PDZRN4: variants seen among roughly 807,000 people sequenced by gnomAD.
The protein encoded by PDZRN4 is PDZ domain containing ring finger 4.
PDZRN4 carries 70 observed loss-of-function variants against 99.0 expected under a neutral mutation model. The ratio of observed to expected loss-of-function variants is 0.71; its 90% confidence interval spans 0.58 to 0.86. The LOEUF (loss-of-function observed/expected upper bound fraction) is 0.86, where lower values mean the gene tolerates loss of function less well. Ranked by LOEUF, PDZRN4 falls within the 40% of genes least tolerant of loss-of-function variation. PDZRN4 has a pLI of 0.00. For missense variants in PDZRN4, 1,474 were observed against 1,331.2 expected, an observed-to-expected ratio of 1.11 and a Z score of -1.67; for synonymous variants, 551 against 501.6, an observed-to-expected ratio of 1.10 and a Z score of -1.32.
chr12:41,197,523 G>A (rs914558817), intron 3 of PDZRN4, among the ~76,000 whole-genome samples: 2 of 152,092 alleles, frequency 1.3e-5, no homozygotes, highest in African/African-American at 4.8e-5. Context: ...AACTATTTAT[G>A]CTTGTAAATT....
intron 3 of PDZRN4, among the ~76,000 whole-genome samples, chr12:41,447,859 C>T (rs2120490445): frequency 6.6e-6 from 1 of 151,842 alleles, no homozygotes; most frequent in Middle Eastern, 3.4e-3. Context: ...GAATATCTGA[C>T]ATATAGTAGG....
intron 3 of PDZRN4, among the ~76,000 whole-genome samples, chr12:41,283,013 T>G (rs1227795882): frequency 1.3e-5 from 2 of 151,314 alleles, no homozygotes. Flanking sequence ...AGGCAACAAA[T>G]AACTAAGATG....
At chr12:41,572,221 A>T (rs1939494337) in intron 9 of PDZRN4, 143 bp from the exon 10 acceptor site, 1 of 658,268 alleles carries the variant, frequency 1.5e-6, no homozygotes, top group African/African-American at 1.8e-5. Context: ...TTTATTTCTA[A>T]AATTGTGATG....
intron 3 of PDZRN4, among the ~76,000 whole-genome samples, chr12:41,406,699 GC>G (rs1303989917): frequency 6.6e-6 from 1 of 151,688 alleles, no homozygotes; most frequent in East Asian, 1.9e-4. Flanking sequence ...TTCGAGACCA[GC>G]CAGACCAACA....
At chr12:41,386,709 A>T (rs1342946739) in intron 3 of PDZRN4, among the ~76,000 whole-genome samples, 1 of 152,226 alleles carries the variant, frequency 6.6e-6, no homozygotes. Flanking sequence ...GCATCACAGT[A>T]CCCAACTTGA....
chr12:41,235,649 G>A (rs914868755), intron 3 of PDZRN4, among the ~76,000 whole-genome samples: 4 of 152,144 alleles, frequency 2.6e-5, no homozygotes, highest in Admixed American at 6.6e-5. Context: ...AAATTTAGAT[G>A]TAAAACATCT....
intron 3 of PDZRN4, among the ~76,000 whole-genome samples, chr12:41,502,835 G>A (rs1301257277): frequency 2.0e-5 from 3 of 152,078 alleles, no homozygotes; most frequent in Non-Finnish European, 4.4e-5. Flanking sequence ...AGAATAATAA[G>A]TAAGGATATG....
intron 3 of PDZRN4, among the ~76,000 whole-genome samples, chr12:41,385,515 A>T (rs1952162820): frequency 6.6e-6 from 1 of 152,184 alleles, no homozygotes; most frequent in Admixed American, 6.5e-5. Flanking sequence ...CAGAAATATA[A>T]ACAACCATCA....
chr12:41,189,184 C>A, intron 1 of PDZRN4, 81 bp downstream of exon 1: 1 of 1,366,852 alleles, frequency 7.3e-7, no homozygotes. Context: ...CTTCAGGATT[C>A]CTTTGGAATT....
At chr12:41,190,839 T>C (rs1591961059) in intron 1 of PDZRN4, among the ~76,000 whole-genome samples, 1 of 152,096 alleles carries the variant, frequency 6.6e-6, no homozygotes, top group South Asian at 2.1e-4. Flanking sequence ...TTTACTATTA[T>C]TTGGCCAGCA....
intron 3 of PDZRN4, among the ~76,000 whole-genome samples, chr12:41,404,925 G>C (rs1171621964): frequency 6.6e-6 from 1 of 152,096 alleles, no homozygotes; most frequent in Admixed American, 6.6e-5. Context: ...CTAGTCATTT[G>C]AAGAAGGATG....
chr12:41,196,067 A>T (rs972527206), intron 3 of PDZRN4, among the ~76,000 whole-genome samples: 1 of 152,140 alleles, frequency 6.6e-6, no homozygotes, highest in Non-Finnish European at 1.5e-5. Flanking sequence ...AGAATTTTTT[A>T]TATTGTCATA....
At chr12:41,568,902 T>C (rs1018451165) in intron 9 of PDZRN4, among the ~76,000 whole-genome samples, 8 of 151,170 alleles carry the variant, frequency 5.3e-5, no homozygotes, top group Non-Finnish European at 1.2e-4. Context: ...CCTCCCGGGT[T>C]CAATTGATTC....
At position 41,561,613 on chromosome 12, in the gene PDZRN4, A is replaced by G. The variant is rs979843253; in HGVS notation, c.1366-1935A>G. Among the ~76,000 whole-genome samples the G allele has an allele frequency of 6.0e-5, 3 of 50,100 alleles. No individual in the cohort carries two copies. The South Asian group carries it at 1.5e-3, about 25-fold the overall frequency. The allele number at this position is 50,100 out of a possible 152,430, so 32.9% of individuals were successfully genotyped here. A position where few individuals can be genotyped will look rare whatever the true frequency, so the allele number is the denominator to read the frequency against. The stretch of plus-strand genomic sequence containing the variant: ...ATTAAGTTATATATATAAAGACTAT[A>G]TATATATATATATGTACAGTCAAGT... On this transcript the variant is annotated intron_variant, in intron 7 of 9. Coordinates refer to ENST00000402685, the MANE Select transcript of PDZRN4 (RefSeq NM_001164595.2).
In PDZRN4 at chr12:41,220,407, G is replaced by A. The variant is rs546076807; in HGVS notation, c.843+26219G>A. Reference sequence around the variant, plus strand: ...ACTGAATCTTAATTACCTCTTTAAAGACCCCATGTCCAAATGCAGTCACAT... The same window carrying A: ...ACTGAATCTTAATTACCTCTTTAAAAACCCCATGTCCAAATGCAGTCACAT... On this transcript the variant is annotated intron_variant, in intron 3 of 9. Coordinates refer to ENST00000402685, the MANE Select transcript of PDZRN4 (RefSeq NM_001164595.2). Among the ~76,000 whole-genome samples the A allele has an allele frequency of 2.9e-4, 44 of 152,132 alleles. 1 individual carries two copies. In the South Asian group the frequency reaches 8.9e-3, roughly 31 times the overall value.
chr12:41,542,917 C>A (rs1215881972), intron 5 of PDZRN4, among the ~76,000 whole-genome samples: 1 of 152,052 alleles, frequency 6.6e-6, no homozygotes, highest in Non-Finnish European at 1.5e-5. Flanking sequence ...TGCTTTCTCT[C>A]AATCATCCTA....
intron 5 of PDZRN4, among the ~76,000 whole-genome samples, chr12:41,540,526 A>G (rs972977356): frequency 5.9e-5 from 9 of 152,312 alleles, no homozygotes; most frequent in African/African-American, 2.2e-4. Context: ...AAACAATCTG[A>G]TCTACCTATG....
chr12:41,525,686 G>A lies in PDZRN4; in HGVS notation c.1203+15773G>A, dbSNP rs531866274. 6.6e-5 allele frequency among the ~76,000 whole-genome samples: 10 copies of A among 152,032 alleles called. 2 individuals are homozygous for A. The highest frequency in any genetic ancestry group is 2.4e-4 in the African/African-American group (10 of 41,502). On this transcript the variant is annotated intron_variant, in intron 5 of 9. Coordinates refer to ENST00000402685, the MANE Select transcript of PDZRN4 (RefSeq NM_001164595.2). ...TCTCAATTTCATCACCTATAGTAGA[G>A]AATATTTATGAAGAAAGGAAAAAAT...
At chr12:41,396,221 G>C (rs1347631680) in intron 3 of PDZRN4, among the ~76,000 whole-genome samples, 1 of 151,936 alleles carries the variant, frequency 6.6e-6, no homozygotes, top group Non-Finnish European at 1.5e-5. Flanking sequence ...TTCATAATAA[G>C]GATTATTTTT....
Sources: gnomAD v4.1 joint callset for allele counts (sites outside exome capture counted in the v4.1 genomes callset) on GRCh38, gnomAD v4.1.1 for gene constraint, MANE v1.5 for transcripts, NCBI Gene and HGNC (gene_info 2026-07-23, HGNC 2026-07-21) for gene names.